FARP1: variants seen among roughly 807,000 people sequenced by gnomAD.
The protein encoded by FARP1 is FERM, ARH/RhoGEF and pleckstrin domain protein 1.
A neutral mutation model predicts 128.8 loss-of-function variants in FARP1; 52 were observed. That is an observed-to-expected ratio of 0.40 (90% confidence interval 0.32 to 0.51). FARP1 has a LOEUF of 0.51. FARP1 is among the 20% of genes least tolerant of loss of function. FARP1 has a pLI of 0.45. For synonymous variants in FARP1, 580 were observed against 551.8 expected (o/e 1.05, Z -0.72); for missense variants, 1,333 against 1,367.9 (o/e 0.97, Z 0.40).
intron 17 of FARP1, 142 bp downstream of exon 17, chr13:98,424,792 C>T (rs910939907): frequency 1.8e-5 from 12 of 662,824 alleles, no homozygotes; most frequent in Admixed American, 1.1e-4. Context: ...AACCCACCGC[C>T]GAGCAGCAGC....
At chr13:98,213,510 G>A in intron 2 of FARP1, 97 bp downstream of exon 2, 3 of 1,294,518 alleles carry the variant, frequency 2.3e-6, no homozygotes, top group South Asian at 1.4e-5. Context: ...GACATGAGGC[G>A]GCTGGAGGTC....
Position 98,297,449 on chromosome 13 carries a change from T to C in FARP1, c.172-46313T>C, listed in dbSNP as rs368881348. Among the ~76,000 whole-genome samples, 33 of 152,376 alleles carry C rather than the reference T, an allele frequency of 2.2e-4. No individual in the cohort carries two copies. In the South Asian group the frequency reaches 6.8e-3, roughly 32 times the overall value. ...GGCATTTGGGATTCAAGATTGGCTT[T>C]AAAACTTCCCAGGCTTTGTTCATGC... On this transcript the variant is annotated intron_variant, in intron 2 of 26. Transcript: ENST00000319562.
intron 11 of FARP1, 134 bp downstream of exon 11, chr13:98,391,014 C>T (rs1890284393): frequency 3.0e-6 from 2 of 668,520 alleles, no homozygotes; most frequent in Non-Finnish European, 5.3e-6. Context: ...TAGTCTCAGT[C>T]ATCCTCAGCA....
Position 98,412,014 on chromosome 13 carries a change from T to G in FARP1, c.1806T>G (p.Ile602Met). Reference sequence around the variant, plus strand: ...TTCATACTAATTTTCTCAAGGAAATTGAGCAACGACTTGCCCTGTGGTGAG... The same window carrying G: ...TTCATACTAATTTTCTCAAGGAAATGGAGCAACGACTTGCCCTGTGGTGAG... ...HKFHTNFLKE[I>M]EQRLALWEGR... is the part of the protein sequence containing the mutation. The change falls in exon 16 of 27, where the codon ATT becomes ATG. Residue 602 changes from isoleucine to methionine, a missense_variant. Ile to Met is a conservative substitution (Grantham distance 10). Transcript: ENST00000319562. 1.2e-6 allele frequency: 2 copies of G among 1,614,174 alleles called. No individual in the cohort carries two copies. Among genetic ancestry groups the G allele is most frequent in the Non-Finnish European group, 1.7e-6 (2 of 1,180,000 alleles).
At chr13:98,187,604 G>A (rs748059540) in intron 1 of FARP1, among the ~76,000 whole-genome samples, 4 of 152,316 alleles carry the variant, frequency 2.6e-5, no homozygotes, top group South Asian at 2.1e-4. Context: ...AATGTCAGGC[G>A]AAATAACTTA....
chr13:98,261,795 C>CT (rs953891453), intron 2 of FARP1, among the ~76,000 whole-genome samples: 34 of 152,210 alleles, frequency 2.2e-4, no homozygotes, highest in African/African-American at 7.2e-4. Flanking sequence ...AACCAACACT[C>CT]TCCTGAGCTA....
Position 98,189,333 on chromosome 13 carries a change from T to C in FARP1, c.-23-23887T>C, listed in dbSNP as rs139025816. ...TTAAAATATATTTAAGGCCTTTAAT[T>C]TATAATGCATTCTTAAATAAATGTT... On this transcript the variant is annotated intron_variant, in intron 1 of 26. Transcript: ENST00000319562. Among the ~76,000 whole-genome samples the C allele has an allele frequency of 4.2e-3, 647 of 152,282 alleles. 8 individuals are homozygous for C. Among genetic ancestry groups the C allele is most frequent in the African/African-American group, 0.015 (627 of 41,562 alleles).
intron 2 of FARP1, among the ~76,000 whole-genome samples, chr13:98,216,161 C>A (rs183737243): frequency 6.6e-6 from 1 of 152,322 alleles, no homozygotes; most frequent in Admixed American, 6.5e-5. Context: ...CCTTAACTGG[C>A]TGTAGAAAGT....
rs117801413 is a variant in FARP1 at position 98,245,938 on chromosome 13, A to G, written c.171+32525A>G. Among the ~76,000 whole-genome samples, 1,934 of 151,014 alleles carry G rather than the reference A, an allele frequency of 0.013. 119 individuals are homozygous for G. In the East Asian group the frequency reaches 0.21, roughly 16 times the overall value. On this transcript the variant is annotated intron_variant, in intron 2 of 26. Transcript: ENST00000319562. ...TGCACGCCGCCACGCCACCATGCCC[A>G]GCCAACTTTTTATATTTTAGTAGAG... is the stretch of plus-strand genomic sequence containing the variant.
intron 2 of FARP1, among the ~76,000 whole-genome samples, chr13:98,237,460 TC>T (rs1457317747): frequency 2.0e-5 from 3 of 152,232 alleles, no homozygotes; most frequent in African/African-American, 7.2e-5. Context: ...TATACTACTG[TC>T]CCAGTCTCAT....
At chr13:98,267,798 C>T (rs1448057454) in intron 2 of FARP1, among the ~76,000 whole-genome samples, 6 of 136,682 alleles carry the variant, frequency 4.4e-5, no homozygotes, top group African/African-American at 1.5e-4. Flanking sequence ...TGGGCCTTGT[C>T]CAGTGATGTC....
At chr13:98,200,390 C>T (rs548745369) in intron 1 of FARP1, among the ~76,000 whole-genome samples, 1 of 55,788 alleles carries the variant, frequency 1.8e-5, no homozygotes, top group African/African-American at 4.4e-5. Flanking sequence ...AACCTTCACC[C>T]CCCCCCCCTC....
chr13:98,426,224 A>AT (rs1334053578), intron 17 of FARP1, among the ~76,000 whole-genome samples: 3 of 152,224 alleles, frequency 2.0e-5, no homozygotes, highest in Admixed American at 6.5e-5. Flanking sequence ...GTGGTGGCTC[A>AT]TGCCTCTGAT....
rs541811278 is a variant in FARP1, at chr13:98,210,613, G to A, written c.-23-2607G>A. Among the ~76,000 whole-genome samples, 488 of 150,854 alleles carry A rather than the reference G, an allele frequency of 3.2e-3. 1 individual carries two copies. Among genetic ancestry groups the A allele is most frequent in the Non-Finnish European group, 3.6e-3 (247 of 67,740 alleles). On this transcript the variant is annotated intron_variant, in intron 1 of 26. Transcript: ENST00000319562. ...CGCCCAGGCTGGAGTGCGGTGGCGC[G>A]ATCTTGGCTCACTGCAACCTCCGCC...
At chr13:98,187,266 C>T (rs1210821282) in intron 1 of FARP1, among the ~76,000 whole-genome samples, 5 of 152,154 alleles carry the variant, frequency 3.3e-5, no homozygotes, top group African/African-American at 4.8e-5. Context: ...TGAGCCTCCT[C>T]TTTGGTGATG....
intron 2 of FARP1, among the ~76,000 whole-genome samples, chr13:98,287,447 T>C (rs2139650993): frequency 6.6e-6 from 1 of 151,948 alleles, no homozygotes; most frequent in Non-Finnish European, 1.5e-5. Context: ...GCCAGGATGG[T>C]CTCAATCTCC....
chr13:98,192,540 C>T (rs1458498309), intron 1 of FARP1, among the ~76,000 whole-genome samples: 1 of 152,096 alleles, frequency 6.6e-6, no homozygotes, highest in Non-Finnish European at 1.5e-5. Context: ...CAGACATCTG[C>T]TACGACGCCT....
intron 13 of FARP1, chr13:98,403,730 G>C (rs1464324526): frequency 6.6e-6 from 1 of 152,188 alleles, no homozygotes; most frequent in African/African-American, 2.4e-5. Flanking sequence ...TCATACCACT[G>C]GGAAGAATGC....
At chr13:98,175,373 A>G (rs1470955172) in intron 1 of FARP1, among the ~76,000 whole-genome samples, 1 of 152,040 alleles carries the variant, frequency 6.6e-6, no homozygotes, top group East Asian at 1.9e-4. Context: ...TTCAGCGTGG[A>G]TATTCTTCTG....
Sources: gnomAD v4.1 joint callset for allele counts (sites outside exome capture counted in the v4.1 genomes callset) on GRCh38, gnomAD v4.1.1 for gene constraint, MANE v1.5 for transcripts, NCBI Gene and HGNC (gene_info 2026-07-23, HGNC 2026-07-21) for gene names.